DENND4C: variants seen among roughly 807,000 people sequenced by gnomAD.
DENND4C encodes the protein DENN domain containing 4C.
A neutral mutation model predicts 203.0 loss-of-function variants in DENND4C; 108 were observed. The ratio of observed to expected loss-of-function variants is 0.53; its 90% CI spans 0.46 to 0.62. The LOEUF is 0.62. DENND4C is among the 20% of genes least tolerant of loss of function. The probability of loss-of-function intolerance (pLI) is 0.00; values close to 1 mark genes in which losing one functional copy is unlikely to be tolerated. For missense variants in DENND4C, 2,481 were observed against 2,301.2 expected (o/e 1.08, Z -1.60); for synonymous variants, 871 against 792.4 (o/e 1.10, Z -1.67).
chr9:19,233,807 G>A (rs1158017810), intron 1 of DENND4C, among the ~76,000 whole-genome samples: 1 of 152,086 alleles, frequency 6.6e-6, no homozygotes, highest in Non-Finnish European at 1.5e-5. Context: ...TGGCCAGGTG[G>A]CCTGATGTCA....
rs76827216 is a variant in DENND4C, at chr9:19,261,818, G to T, written c.-17-14340G>T. ...CATGCCTGGTCTCTTTCCGTTTTTT[G>T]TGTGTGTGTTCTCTTTAATTTCTTG... On this transcript the variant is annotated intron_variant, in intron 1 of 32. Coordinates refer to ENST00000434457, the MANE Select transcript of DENND4C (RefSeq NM_001330640.2). Among the ~76,000 whole-genome samples the T allele has an allele frequency of 1.7e-3, 256 of 151,828 alleles. 2 individuals carry two copies. The highest frequency in any genetic ancestry group is 5.3e-3 in the African/African-American group (220 of 41,436).
chr9:19,232,020 T>A (rs1820696130), intron 1 of DENND4C, among the ~76,000 whole-genome samples: 1 of 152,212 alleles, frequency 6.6e-6, no homozygotes, highest in Non-Finnish European at 1.5e-5. Context: ...GATTTTTCTG[T>A]GTACACGCGA....
intron 1 of DENND4C, among the ~76,000 whole-genome samples, chr9:19,252,355 T>C (rs1199439554): frequency 2.0e-5 from 3 of 152,044 alleles, no homozygotes; most frequent in Non-Finnish European, 1.5e-5. Context: ...CATGTGGGAA[T>C]TGTGGGAGTT....
At chr9:19,241,455 C>T in intron 1 of DENND4C, among the ~76,000 whole-genome samples, 1 of 151,466 alleles carries the variant, frequency 6.6e-6, no homozygotes, top group Non-Finnish European at 1.5e-5. Flanking sequence ...TCAAGTGATT[C>T]TCTGGCCTCA....
At chr9:19,252,639 T>C (rs1473695656) in intron 1 of DENND4C, among the ~76,000 whole-genome samples, 2 of 152,156 alleles carry the variant, frequency 1.3e-5, no homozygotes, top group Non-Finnish European at 2.9e-5. Context: ...GGTTGTGTTA[T>C]CAGTTTGATA....
At chr9:19,252,209 TAGAG>T (rs1309962847) in intron 1 of DENND4C, among the ~76,000 whole-genome samples, 1 of 152,086 alleles carries the variant, frequency 6.6e-6, no homozygotes, top group Non-Finnish European at 1.5e-5. Flanking sequence ...AGCAGGCAAA[TAGAG>T]AGCTGGTGCA....
chr9:19,282,373 C>G (rs546159849), intron 2 of DENND4C, among the ~76,000 whole-genome samples: 7 of 151,412 alleles, frequency 4.6e-5, no homozygotes, highest in African/African-American at 1.7e-4. Flanking sequence ...ATCCTTTCAC[C>G]TCAGCTTCCT....
intron 31 of DENND4C, among the ~76,000 whole-genome samples, chr9:19,370,826 G>T (rs569319444): frequency 6.6e-6 from 1 of 152,328 alleles, no homozygotes; most frequent in African/African-American, 2.4e-5. Context: ...GTGCGTAATC[G>T]CGTATATCAA....
At chr9:19,344,182 T>C (rs1180300757) in intron 22 of DENND4C, among the ~76,000 whole-genome samples, 2 of 152,282 alleles carry the variant, frequency 1.3e-5, no homozygotes, top group East Asian at 3.9e-4. Flanking sequence ...CACCCAGATA[T>C]TGTTATGCTT....
chr9:19,339,117 A>C (rs895969596), intron 20 of DENND4C, among the ~76,000 whole-genome samples: 1 of 152,156 alleles, frequency 6.6e-6, no homozygotes, highest in Non-Finnish European at 1.5e-5. Flanking sequence ...TATTATTTTC[A>C]TTCTGCATGC....
Position 19,298,097 on chromosome 9 carries a change from C to A in DENND4C, c.1082C>A (p.Pro361Gln), listed in dbSNP as rs547547898. The change falls in exon 7 of 33, where the codon CCA becomes CAA. Residue 361 changes from proline to glutamine, a missense_variant. Coordinates refer to ENST00000434457, the MANE Select transcript of DENND4C (RefSeq NM_001330640.2). ...HFMQNIPFPS[P>Q]QRPRILVQLS... ...ATGCAAAACATCCCTTTTCCTTCAC[C>A]ACAAAGACCGAGAATCCTTGTCCAG... 1 of 1,609,144 alleles carries A rather than the reference C, an allele frequency of 6.2e-7. No homozygotes were observed. Among genetic ancestry groups the A allele is most frequent in the Non-Finnish European group, 8.5e-7 (1 of 1,177,644 alleles).
At chr9:19,231,347 C>T (rs570180161) in intron 1 of DENND4C, among the ~76,000 whole-genome samples, 3 of 152,198 alleles carry the variant, frequency 2.0e-5, no homozygotes, top group African/African-American at 7.2e-5. Context: ...GGGCAGGTGT[C>T]TCTGGTGAAT....
At chr9:19,345,394 A>G (rs1454330392) in intron 22 of DENND4C, among the ~76,000 whole-genome samples, 1 of 152,252 alleles carries the variant, frequency 6.6e-6, no homozygotes, top group African/African-American at 2.4e-5. Context: ...AGAAATGGAT[A>G]TATCTGAATA....
In DENND4C at chr9:19,346,092, A is replaced by G; in HGVS notation, c.3323A>G (p.Lys1108Arg). Reference protein sequence around the residue: ...SESRAGMLLKKSSLDSNSSEM... With the variant: ...SESRAGMLLKRSSLDSNSSEM... Reference sequence around the variant, plus strand: ...AGTCGAGCAGGAATGTTGCTTAAGAAGAGTAGTTTGGATTCGAATTCAAGT... The same window carrying G: ...AGTCGAGCAGGAATGTTGCTTAAGAGGAGTAGTTTGGATTCGAATTCAAGT... Residue 1108 changes from lysine to arginine, a missense_variant, in exon 23 of 33, where the codon AAG (lysine) becomes AGG (arginine). Lys to Arg is a conservative substitution (Grantham distance 26, BLOSUM62 2). Coordinates refer to ENST00000434457, the MANE Select transcript of DENND4C (RefSeq NM_001330640.2). 1.2e-6 allele frequency: 2 copies of G among 1,614,218 alleles called. No individual in the cohort carries two copies. The highest frequency in any genetic ancestry group is 1.7e-6 in the Non-Finnish European group (2 of 1,180,040).
At chr9:19,237,425 C>T (rs1822263985) in intron 1 of DENND4C, among the ~76,000 whole-genome samples, 1 of 152,052 alleles carries the variant, frequency 6.6e-6, no homozygotes, top group African/African-American at 2.4e-5. Flanking sequence ...GATCTCGGCT[C>T]ACTGCAACCT....
intron 20 of DENND4C, among the ~76,000 whole-genome samples, chr9:19,337,353 A>G (rs1369786121): frequency 6.6e-6 from 1 of 152,256 alleles, no homozygotes; most frequent in Non-Finnish European, 1.5e-5. Flanking sequence ...GTGTAACTAA[A>G]GTAGCACGTT....
At chr9:19,322,814 C>T (rs549008895) in intron 12 of DENND4C, among the ~76,000 whole-genome samples, 1 of 130,162 alleles carries the variant, frequency 7.7e-6, no homozygotes, top group Non-Finnish European at 1.6e-5. Context: ...GCACAAAAAA[C>T]CCAAAAAACC....
chr9:19,356,798 A>T (rs951029955), intron 26 of DENND4C, among the ~76,000 whole-genome samples, 174 bp from the exon 27 acceptor site: 6 of 151,360 alleles, frequency 4.0e-5, no homozygotes, highest in African/African-American at 1.2e-4. Flanking sequence ...TGAGAGAGAG[A>T]GAGAGAGAGA....
intron 1 of DENND4C, among the ~76,000 whole-genome samples, chr9:19,271,119 G>A (rs1831558164): frequency 6.6e-6 from 1 of 150,670 alleles, no homozygotes; most frequent in African/African-American, 2.4e-5. Context: ...TGGATTAGAA[G>A]ACTCAATAAC....
Sources: gnomAD v4.1 joint callset for allele counts (sites outside exome capture counted in the v4.1 genomes callset) on GRCh38, gnomAD v4.1.1 for gene constraint, MANE v1.5 for transcripts, NCBI Gene and HGNC (gene_info 2026-07-23, HGNC 2026-07-21) for gene names.